Variants in SLC1A3 observed in about 807,000 individuals in gnomAD.
SLC1A3 encodes the protein solute carrier family 1 member 3.
In SLC1A3, 21 loss-of-function variants were observed where a neutral mutation model predicts 48.1. The observed-to-expected ratio is 0.44, with a 90% CI of 0.31 to 0.63. The LOEUF is 0.63. Among genes scored for constraint, SLC1A3 ranks in the 20% least tolerant of loss-of-function variants. The probability of loss-of-function intolerance (pLI) is 0.08; values close to 1 mark genes in which losing one functional copy is unlikely to be tolerated. For missense variants in SLC1A3, 546 were observed against 689.0 expected, an observed-to-expected ratio of 0.79 and a Z score of 2.32; for synonymous variants, 239 against 251.4, an observed-to-expected ratio of 0.95 and a Z score of 0.47.
upstream of SLC1A3, among the ~76,000 whole-genome samples, chr5:36,606,124 T>G (rs145555382): frequency 3.5e-4 from 54 of 152,374 alleles, no homozygotes; most frequent in African/African-American, 1.3e-3. Flanking sequence ...TAGTAAGCAT[T>G]ATTTTTTTTC....
intron 3 of SLC1A3, among the ~76,000 whole-genome samples, chr5:36,652,996 T>C (rs1741144504): frequency 6.6e-6 from 1 of 152,246 alleles, no homozygotes; most frequent in Admixed American, 6.5e-5. Flanking sequence ...GATTTGCTAG[T>C]TTGCTTTTTA....
At chr5:36,604,880 T>G (rs1738861820), upstream of SLC1A3, among the ~76,000 whole-genome samples, 1 of 119,218 alleles carries the variant, frequency 8.4e-6, no homozygotes, top group African/African-American at 3.2e-5. Flanking sequence ...CAAGTCAAAG[T>G]CATTTCCACC....
chr5:36,677,268 G>A (rs960232666), intron 6 of SLC1A3, 84 bp downstream of exon 6: 20 of 1,230,892 alleles, frequency 1.6e-5, no homozygotes, highest in South Asian at 6.4e-5. Flanking sequence ...AAGGTGCCAC[G>A]AGGCAGGATG....
intron 3 of SLC1A3, among the ~76,000 whole-genome samples, chr5:36,670,416 A>C (rs1741940298): frequency 6.6e-6 from 1 of 152,212 alleles, no homozygotes; most frequent in Admixed American, 6.5e-5. Flanking sequence ...ACTATTTGAG[A>C]ACCTTATAAG....
chr5:36,604,912 G>T (rs535973587), upstream of SLC1A3, among the ~76,000 whole-genome samples: 38 of 149,512 alleles, frequency 2.5e-4, 2 homozygotes, highest in South Asian at 4.6e-3. Context: ...GCGGTGGGGG[G>T]GGGGGGTGTG....
upstream of SLC1A3, among the ~76,000 whole-genome samples, chr5:36,602,860 G>T: frequency 6.6e-6 from 1 of 152,202 alleles, no homozygotes; most frequent in East Asian, 1.9e-4. Context: ...TAACTAACTT[G>T]AGTGAAGTGA....
At chr5:36,624,970 A>G (rs1739844066) in intron 2 of SLC1A3, among the ~76,000 whole-genome samples, 2 of 152,192 alleles carry the variant, frequency 1.3e-5, no homozygotes, top group African/African-American at 2.4e-5. Flanking sequence ...AAGATGCTAA[A>G]GACCCAGGAA....
intron 3 of SLC1A3, among the ~76,000 whole-genome samples, chr5:36,644,376 A>G (rs1004179113): frequency 6.6e-6 from 1 of 152,206 alleles, no homozygotes; most frequent in African/African-American, 2.4e-5. Context: ...CACTAAAATA[A>G]TTGTTGAAAT....
At chr5:36,641,885 A>C (rs1395678823) in intron 3 of SLC1A3, among the ~76,000 whole-genome samples, 1 of 152,226 alleles carries the variant, frequency 6.6e-6, no homozygotes, top group African/African-American at 2.4e-5. Context: ...ATAAAAGTAA[A>C]ATTATAAGCA....
In SLC1A3 at chr5:36,679,759, C is replaced by G; in HGVS notation, c.993C>G (p.Ile331Met). The G allele has an allele frequency of 6.2e-7, 1 of 1,614,120 alleles. No individual in the cohort carries two copies. Among genetic ancestry groups the G allele is most frequent in the Non-Finnish European group, 8.5e-7 (1 of 1,179,994 alleles). Residue 331 changes from isoleucine to methionine, a missense_variant, in exon 7 of 10, where the codon ATC becomes ATG. By Grantham distance (10) the Ile-to-Met change is conservative. Coordinates refer to ENST00000265113, the MANE Select transcript of SLC1A3 (RefSeq NM_004172.5). ...VIVGLLIHAV[I>M]VLPLLYFLVT... ...TTGGCTTACTCATTCACGCAGTCAT[C>G]GTCTTGCCACTCCTCTACTTCTTGG...
chr5:36,601,882 G>T (rs1738812792), upstream of SLC1A3, among the ~76,000 whole-genome samples: 1 of 151,830 alleles, frequency 6.6e-6, no homozygotes, highest in Admixed American at 6.6e-5. Context: ...TCTTGTGTTT[G>T]TGACTGTGTT....
chr5:36,610,853 T>C (rs1395777420), intron 2 of SLC1A3, among the ~76,000 whole-genome samples: 3 of 152,020 alleles, frequency 2.0e-5, no homozygotes, highest in Non-Finnish European at 4.4e-5. Flanking sequence ...TAATGGAAAC[T>C]GAGGAGGCAG....
Sources: allele counts gnomAD v4.1 joint callset (sites outside exome capture counted in the v4.1 genomes callset), GRCh38; gene constraint gnomAD v4.1.1; transcripts MANE v1.5; gene names NCBI Gene and HGNC (gene_info 2026-07-23, HGNC 2026-07-21).